The following ASIC2 variants were observed in gnomAD, a reference collection of about 807,000 sequenced individuals.
ASIC2 encodes the protein acid-sensing ion channel 2.
ASIC2 carries 25 observed loss-of-function variants against 57.3 expected under a neutral mutation model. The observed-to-expected ratio is 0.44, with a 90% CI of 0.32 to 0.61. The LOEUF is 0.61. Ranked by LOEUF, ASIC2 falls within the 20% of genes least tolerant of loss-of-function variation. The pLI is 0.06. For missense variants in ASIC2, 641 were observed against 738.1 expected (o/e 0.87, Z 1.52); for synonymous variants, 319 against 307.5 (o/e 1.04, Z -0.39).
chr17:33,388,405 C>T (rs753570171), intron 1 of ASIC2, among the ~76,000 whole-genome samples: 1 of 152,196 alleles, frequency 6.6e-6, no homozygotes, highest in African/African-American at 2.4e-5. Context: ...GGACTGCTGG[C>T]CACACAGTTT....
intron 3 of ASIC2, among the ~76,000 whole-genome samples, chr17:33,053,511 A>T (rs2091985793): frequency 1.3e-5 from 2 of 152,284 alleles, no homozygotes; most frequent in Admixed American, 1.3e-4. Context: ...TCCCAAGTCA[A>T]TGTAAGCATC....
intron 1 of ASIC2, among the ~76,000 whole-genome samples, chr17:33,412,280 C>T (rs987944155): frequency 2.0e-5 from 3 of 152,200 alleles, no homozygotes; most frequent in Admixed American, 6.5e-5. Context: ...TACCAACCCA[C>T]GTGGTTCTTA....
chr17:33,142,469 A>C (rs1424717421), intron 1 of ASIC2, among the ~76,000 whole-genome samples: 1 of 152,190 alleles, frequency 6.6e-6, no homozygotes, highest in Non-Finnish European at 1.5e-5. Context: ...TCTTTTATAA[A>C]GGATTAGACT....
At chr17:33,936,481 C>G (rs1477424811) in intron 1 of ASIC2, 1 of 152,176 alleles carries the variant, frequency 6.6e-6, no homozygotes. Context: ...TGGAAGAGCC[C>G]AAGAGAAAGC....
At chr17:33,452,534 T>C (rs1912287470) in intron 1 of ASIC2, among the ~76,000 whole-genome samples, 1 of 152,184 alleles carries the variant, frequency 6.6e-6, no homozygotes, top group Non-Finnish European at 1.5e-5. Flanking sequence ...GAGGTAGTTG[T>C]TAGTGGGTAG....
intron 1 of ASIC2, among the ~76,000 whole-genome samples, chr17:33,396,168 A>C (rs974203052): frequency 2.0e-5 from 3 of 152,178 alleles, no homozygotes; most frequent in Non-Finnish European, 4.4e-5. Flanking sequence ...CAAATAAAGA[A>C]ACAGACCCAG....
intron 1 of ASIC2, among the ~76,000 whole-genome samples, chr17:33,161,063 A>G (rs1905146952): frequency 6.6e-6 from 1 of 152,238 alleles, no homozygotes; most frequent in Non-Finnish European, 1.5e-5. Context: ...AGCTTAGAAT[A>G]CAATCACCAT....
chr17:33,526,112 G>T (rs191215005), intron 1 of ASIC2, among the ~76,000 whole-genome samples: 4 of 152,286 alleles, frequency 2.6e-5, no homozygotes, highest in South Asian at 2.1e-4. Flanking sequence ...GCCCTAAGAT[G>T]ACAGGAACCA....
intron 3 of ASIC2, among the ~76,000 whole-genome samples, chr17:33,035,664 A>G (rs1050473068): frequency 6.6e-6 from 1 of 152,220 alleles, no homozygotes; most frequent in East Asian, 1.9e-4. Context: ...TTGTTCATCA[A>G]GATTTTCTAA....
intron 1 of ASIC2, among the ~76,000 whole-genome samples, chr17:33,719,942 G>A (rs896776336): frequency 1.3e-5 from 2 of 152,194 alleles, no homozygotes; most frequent in Admixed American, 1.3e-4. Context: ...GTGTAGTGGT[G>A]CAATCTCGGC....
At chr17:33,202,618 C>T (rs1004899495) in intron 1 of ASIC2, among the ~76,000 whole-genome samples, 52 of 152,224 alleles carry the variant, frequency 3.4e-4, no homozygotes, top group African/African-American at 1.3e-3. Flanking sequence ...AAGTATGCAC[C>T]CAGAAGCCCA....
chr17:34,116,233 A>G (rs1363766408), intron 1 of ASIC2, among the ~76,000 whole-genome samples: 2 of 152,284 alleles, frequency 1.3e-5, no homozygotes, highest in East Asian at 3.9e-4. Flanking sequence ...TCCTTGTTTT[A>G]CCAGTATGTA....
At chr17:33,893,832 A>G (rs539192447) in intron 1 of ASIC2, among the ~76,000 whole-genome samples, 1 of 152,346 alleles carries the variant, frequency 6.6e-6, no homozygotes, top group South Asian at 2.1e-4. Context: ...AAGACACTCA[A>G]CAAATATTCC....
intron 1 of ASIC2, among the ~76,000 whole-genome samples, chr17:33,404,124 G>T (rs565503642): frequency 1.3e-5 from 2 of 152,208 alleles, no homozygotes; most frequent in East Asian, 1.9e-4. Flanking sequence ...GAAAGGAAAG[G>T]TTCAAATGAT....
intron 1 of ASIC2, among the ~76,000 whole-genome samples, chr17:34,043,758 C>T (rs958950360): frequency 3.3e-5 from 5 of 152,138 alleles, no homozygotes; most frequent in African/African-American, 1.2e-4. Context: ...AAAACCAAAG[C>T]CCCTAGGAGC....
intron 1 of ASIC2, chr17:33,827,870 C>T (rs1912986033): frequency 6.6e-6 from 1 of 152,084 alleles, no homozygotes. Context: ...TGCTCTCCCT[C>T]CTCTTTCCCT....
chr17:33,889,127 G>A (rs1445703948), intron 1 of ASIC2, among the ~76,000 whole-genome samples: 1 of 152,166 alleles, frequency 6.6e-6, no homozygotes, highest in African/African-American at 2.4e-5. Context: ...TCTCTCTTGT[G>A]GTGAGGGCAC....
chr17:33,752,966 TA>T (rs1298326122), intron 1 of ASIC2, among the ~76,000 whole-genome samples: 13 of 152,166 alleles, frequency 8.5e-5, no homozygotes, highest in Non-Finnish European at 1.8e-4. Context: ...CCAAACAAGT[TA>T]AAAACATACA....
chr17:33,028,229 C>T lies in ASIC2; in HGVS notation c.1138+13G>A, dbSNP rs551243894. On this transcript the variant is annotated intron_variant, in intron 4 of 9. Transcript: ENST00000225823. ...ATCCCAGGGCCCTGTGGCCACCCTG[C>T]CCTGGCACTGACCTGGCATGTGAAC... 5.6e-6 allele frequency: 9 copies of T among 1,613,448 alleles called. No individual in the cohort carries two copies. The highest frequency in any genetic ancestry group is 5.0e-5 in the Admixed American group (3 of 60,026).
Sources: allele counts gnomAD v4.1 joint callset (sites outside exome capture counted in the v4.1 genomes callset), GRCh38; gene constraint gnomAD v4.1.1; transcripts MANE v1.5; gene names NCBI Gene and HGNC (gene_info 2026-07-23, HGNC 2026-07-21).